RPL28: variants seen among roughly 807,000 people sequenced by gnomAD.
The protein encoded by RPL28 is large ribosomal subunit protein eL28.
In RPL28, 4 loss-of-function variants were observed where a neutral mutation model predicts 12.5. The observed-to-expected ratio is 0.32, with a 90% CI of 0.16 to 0.73. The LOEUF is 0.73. Ranked by LOEUF, RPL28 falls within the 30% of genes least tolerant of loss-of-function variation. RPL28 has a pLI of 0.66. For synonymous variants in RPL28, 91 were observed against 72.5 expected (o/e 1.26, Z -1.30); for missense variants, 214 against 197.7 (o/e 1.08, Z -0.49).
chr19:55,394,309 G>C (rs2090009557), downstream of RPL28, among the ~76,000 whole-genome samples: 2 of 152,228 alleles, frequency 1.3e-5, no homozygotes, highest in East Asian at 1.9e-4. Flanking sequence ...GCTCAGGCTG[G>C]AGTGCTGTGG....
downstream of RPL28, among the ~76,000 whole-genome samples, chr19:55,393,765 C>T (rs2090006717): frequency 6.6e-6 from 1 of 151,832 alleles, no homozygotes; most frequent in Non-Finnish European, 1.5e-5. Context: ...TCTCCTGCCT[C>T]AGCCCCTCAA....
In RPL28 at chr19:55,391,627, C is replaced by T. The variant is rs930506334; in HGVS notation, c.*3295C>T. 6.5e-7 allele frequency: 1 copy of T among 1,546,490 alleles called. No homozygotes were observed. Among genetic ancestry groups the T allele is most frequent in the African/African-American group, 1.4e-5 (1 of 73,080 alleles). The stretch of plus-strand genomic sequence containing the variant: ...CAACCTTGGGCAAGTTCCTCAACCT[C>T]TCTGTGTCTTCGTACCCTCATCTGT... On this transcript the variant is annotated 3_prime_UTR_variant, in exon 5 of 5. Coordinates refer to ENST00000344063, the MANE Select transcript of RPL28 (RefSeq NM_000991.5).
chr19:55,401,682 G>T, intron 4 of RPL28: 1 of 1,612,854 alleles, frequency 6.2e-7, no homozygotes, highest in Non-Finnish European at 8.5e-7. Flanking sequence ...CATACTCCTC[G>T]TAGTTCTCCA....
At chr19:55,395,985 C>T (rs1034925994), downstream of RPL28, among the ~76,000 whole-genome samples, 5 of 152,020 alleles carry the variant, frequency 3.3e-5, no homozygotes, top group Admixed American at 6.6e-5. Flanking sequence ...TTTGACTTAA[C>T]AGTAACCTTT....
rs1228876687 is a variant in RPL28 at position 55,390,329 on chromosome 19, C to G, written c.*1997C>G. 4.2e-6 allele frequency: 3 copies of G among 721,378 alleles called. No individual in the cohort carries two copies. Among genetic ancestry groups the G allele is most frequent in the Non-Finnish European group, 5.1e-6 (3 of 589,434 alleles). The allele number at this position is 721,378 out of a possible 1,614,324, so 44.7% of individuals were successfully genotyped here. A position where few individuals can be genotyped will look rare whatever the true frequency, so the allele number is the denominator to read the frequency against. On this transcript the variant is annotated 3_prime_UTR_variant, in exon 5 of 5. Transcript: ENST00000344063. ...AAGCGATTCTCCTGCCTCAGCCTCC[C>G]GAGTAGCTGGGATTACAGGTGGGTG... is the stretch of plus-strand genomic sequence containing the variant.
At position 55,391,893 on chromosome 19, in the gene RPL28, G is replaced by A; in HGVS notation, c.*3561G>A. Reference sequence around the variant, plus strand: ...ACATGCCAGATCCATGTGCAGTAATGCCTGGTGGCTCCAGGTCTGCCCCGC... The same window carrying A: ...ACATGCCAGATCCATGTGCAGTAATACCTGGTGGCTCCAGGTCTGCCCCGC... On this transcript the variant is annotated 3_prime_UTR_variant, in exon 5 of 5. Transcript: ENST00000344063. 3.0e-6 allele frequency: 4 copies of A among 1,342,626 alleles called. No homozygotes were observed. The highest frequency in any genetic ancestry group is 3.8e-6 in the Non-Finnish European group (4 of 1,042,332). 83.2% of individuals were successfully genotyped at this position (1,342,626 alleles called of 1,614,324 possible).
rs1013818259 is a variant in RPL28, at chr19:55,389,789, G to T, written c.*1457G>T. On this transcript the variant is annotated 3_prime_UTR_variant, in exon 5 of 5. Transcript: ENST00000344063. ...TTGAGAGGTGTTGCCTTAAAACTGA[G>T]TTGGGTGACTTGGTACCTGCTCAGG... The T allele has an allele frequency of 5.1e-6, 5 of 985,370 alleles. No homozygotes were observed. The highest frequency in any genetic ancestry group is 6.0e-6 in the Non-Finnish European group (5 of 830,004). The allele number at this position is 985,370 out of a possible 1,614,324, so 61.0% of individuals were successfully genotyped here. A position where few individuals can be genotyped will look rare whatever the true frequency, so the allele number is the denominator to read the frequency against.
At chr19:55,387,510 G>A (rs1366678819) in intron 3 of RPL28, 44 of 1,445,126 alleles carry the variant, frequency 3.0e-5, no homozygotes, top group Middle Eastern at 5.1e-4. Context: ...CCTAGACTAA[G>A]GGACTGGCCT....
chr19:55,398,438 G>GATA lies in RPL28; in HGVS notation c.325-4505_325-4504insATA, dbSNP rs1168540380. Among the ~76,000 whole-genome samples, 3 of 152,194 alleles carry GATA rather than the reference G, an allele frequency of 2.0e-5. No homozygotes were observed. In the East Asian group the frequency reaches 5.8e-4, roughly 29 times the overall value. On this transcript the variant is annotated intron_variant, in intron 4 of 4. Coordinates refer to the RPL28 transcript ENST00000560055. ...CTCACTGTTCCAACTGGAGTCTATAGGAGTTCCTAGTGCTCCGCCACCTTG... is the reference window on the plus strand; with the variant it reads ...CTCACTGTTCCAACTGGAGTCTATAGATAGAGTTCCTAGTGCTCCGCCACCTTG...
downstream of RPL28, among the ~76,000 whole-genome samples, chr19:55,392,642 C>T (rs151300698): frequency 8.8e-3 from 1,334 of 152,190 alleles, 9 homozygotes; most frequent in African/African-American, 0.03. Flanking sequence ...TTCTCCTGCC[C>T]CAGCCTCCCC....
In RPL28 at chr19:55,388,400, G is replaced by T. The variant is rs997504943; in HGVS notation, c.*68G>T. The T allele has an allele frequency of 7.0e-7, 1 of 1,429,078 alleles. No homozygotes were observed. The highest frequency in any genetic ancestry group is 9.2e-7 in the Non-Finnish European group (1 of 1,088,074). The allele number at this position is 1,429,078 out of a possible 1,614,324, so 88.5% of individuals were successfully genotyped here. ...CTGCCTCGACTGGGCCTCCCTTTTTGAAACGCTCTGGGGAGCTCTGGCCCT... is the reference window on the plus strand; with the variant it reads ...CTGCCTCGACTGGGCCTCCCTTTTTTAAACGCTCTGGGGAGCTCTGGCCCT... On this transcript the variant is annotated 3_prime_UTR_variant, in exon 5 of 5. Transcript: ENST00000344063.
At position 55,386,592 on chromosome 19, in the gene RPL28, G is replaced by T. The variant is rs1250815986; in HGVS notation, c.104G>T (p.Arg35Leu). Residue 35 changes from arginine to leucine, a missense_variant, in exon 3 of 5, where the codon CGC becomes CTC. Arg to Leu is a moderately radical substitution (Grantham distance 102). Coordinates refer to ENST00000344063, the MANE Select transcript of RPL28 (RefSeq NM_000991.5). Reference sequence around the variant, plus strand: ...CAGGAGCCCAATAACTTGAAGGCCCGCAATTCCTTCCGCTACAACGGACTG... The same window carrying T: ...CAGGAGCCCAATAACTTGAAGGCCCTCAATTCCTTCCGCTACAACGGACTG... ...YSTEPNNLKARNSFRYNGLIH... is the reference protein window; with the variant it reads ...YSTEPNNLKALNSFRYNGLIH... The T allele has an allele frequency of 2.5e-6, 4 of 1,609,942 alleles. No homozygotes were observed. In the South Asian group the frequency reaches 4.4e-5, roughly 18 times the overall value.
Position 55,389,982 on chromosome 19 carries a change from C to CA in RPL28, c.*1651dup. The CA allele has an allele frequency of 1.0e-6, 1 of 985,526 alleles. No individual in the cohort carries two copies. Among genetic ancestry groups the CA allele is most frequent in the Non-Finnish European group, 1.2e-6 (1 of 829,994 alleles). The allele number at this position is 985,526 out of a possible 1,614,324, so 61.0% of individuals were successfully genotyped here. On this transcript the variant is annotated 3_prime_UTR_variant, in exon 5 of 5. Transcript: ENST00000344063. ...GCCTTCATAAGGAGAGCTCACTGCT[C>CA]ACGTTAGTAGATGGCCCCTTCTCGT... is the stretch of plus-strand genomic sequence containing the variant.
intron 3 of RPL28, chr19:55,387,617 G>C: frequency 7.2e-7 from 1 of 1,397,282 alleles, no homozygotes; most frequent in African/African-American, 1.4e-5. Context: ...ATTGCCAGGA[G>C]CGTGGGCTCT....
At position 55,388,253 on chromosome 19, in the gene RPL28, G is replaced by C; in HGVS notation, c.335G>C (p.Arg112Pro). Residue 112 changes from arginine (R) to proline (P), a missense_variant, in exon 5 of 5, where the codon CGC becomes CCC. Physicochemically the swap from Arg to Pro is moderately radical, Grantham distance 103. Transcript: ENST00000344063. ...CTCCCCCGCCCCCAGGCAGCCATCCGCAGGGCCAGCGCCATCCTGCGCAGC... is the reference window on the plus strand; with the variant it reads ...CTCCCCCGCCCCCAGGCAGCCATCCCCAGGGCCAGCGCCATCCTGCGCAGC... ...YRPDLRMAAI[R>P]RASAILRSQK... is the part of the protein sequence containing the mutation. 2 of 1,555,868 alleles carry C rather than the reference G, an allele frequency of 1.3e-6. No individual in the cohort carries two copies. Among genetic ancestry groups the C allele is most frequent in the Non-Finnish European group, 1.7e-6 (2 of 1,152,658 alleles).
At position 55,388,255 on chromosome 19, in the gene RPL28, A is replaced by G. The variant is rs2089955486; in HGVS notation, c.337A>G (p.Arg113Gly). Residue 113 changes from arginine to glycine, a missense_variant, in exon 5 of 5, where the codon AGG becomes GGG. Physicochemically the swap from Arg to Gly is moderately radical, Grantham distance 125 (BLOSUM62 -2). Transcript: ENST00000344063. ...CCCCCGCCCCCAGGCAGCCATCCGCAGGGCCAGCGCCATCCTGCGCAGCCA... is the reference window on the plus strand; with the variant it reads ...CCCCCGCCCCCAGGCAGCCATCCGCGGGGCCAGCGCCATCCTGCGCAGCCA... Reference protein sequence around the residue: ...RPDLRMAAIRRASAILRSQKP... With the variant: ...RPDLRMAAIRGASAILRSQKP... 1 of 1,559,100 alleles carries G rather than the reference A, an allele frequency of 6.4e-7. No homozygotes were observed.
chr19:55,386,438 T>C lies in RPL28; in HGVS notation c.81T>C (p.Thr27=). 6.2e-7 allele frequency: 1 copy of C among 1,613,908 alleles called. No individual in the cohort carries two copies. Among genetic ancestry groups the C allele is most frequent in the Non-Finnish European group, 8.5e-7 (1 of 1,179,838 alleles). Residue 27 remains threonine, a splice_region_variant and synonymous_variant, in exon 2 of 5, where the codon ACT becomes ACC. Transcript: ENST00000344063. ...LIKRNKQTYS[T]EPNNLKARNS... ...AGAGGAATAAGCAGACCTACAGCAC[T>C]GTAAGTGGGGCCCGGATGCGTGGCT...
downstream of RPL28, among the ~76,000 whole-genome samples, chr19:55,395,657 AT>A (rs1569045141): frequency 6.7e-6 from 1 of 149,344 alleles, no homozygotes; most frequent in East Asian, 2.0e-4. Context: ...GTTAGCCAGG[AT>A]GGTCTCAATC....
At chr19:55,401,665 C>T (rs771995980) in intron 4 of RPL28, 11 of 1,610,742 alleles carry the variant, frequency 6.8e-6, no homozygotes, top group South Asian at 1.1e-5. Context: ...CAGACGGGCC[C>T]GAGCCGCATA....
Sources: allele counts gnomAD v4.1 joint callset (sites outside exome capture counted in the v4.1 genomes callset), GRCh38; gene constraint gnomAD v4.1.1; transcripts MANE v1.5; gene names NCBI Gene and HGNC (gene_info 2026-07-23, HGNC 2026-07-21).